Variants in EYS observed in about 807,000 individuals in gnomAD.
The protein encoded by EYS is EGF-like photoreceptor maintenance factor.
A neutral mutation model predicts 282.1 loss-of-function variants in EYS; 250 were observed. The ratio of observed to expected loss-of-function variants is 0.89; its 90% CI spans 0.80 to 0.98. EYS has a LOEUF of 0.98. Ranked by LOEUF, EYS falls within the 50% of genes least tolerant of loss-of-function variation. The pLI is 0.00. For synonymous variants in EYS, 1,355 were observed against 1,282.9 expected, an observed-to-expected ratio of 1.06 and a Z score of -1.20; for missense variants, 4,016 against 3,709.0, an observed-to-expected ratio of 1.08 and a Z score of -2.15.
chr6:65,067,223 A>G (rs1773772783), intron 12 of EYS, among the ~76,000 whole-genome samples: 1 of 152,146 alleles, frequency 6.6e-6, no homozygotes, highest in Non-Finnish European at 1.5e-5. Context: ...AAAGTCCTGC[A>G]GCAGGTCATT....
At chr6:65,251,208 C>T (rs1420751334) in intron 12 of EYS, among the ~76,000 whole-genome samples, 1 of 150,594 alleles carries the variant, frequency 6.6e-6, no homozygotes, top group African/African-American at 2.4e-5. Context: ...AATTTATCTT[C>T]CAACAAAAAA....
chr6:65,565,458 G>T (rs1427136996), intron 2 of EYS, among the ~76,000 whole-genome samples: 1 of 152,072 alleles, frequency 6.6e-6, no homozygotes, highest in East Asian at 1.9e-4. Context: ...ACAGATGCTG[G>T]AGAGGATATG....
intron 10 of EYS, among the ~76,000 whole-genome samples, chr6:65,337,544 G>T (rs890832317): frequency 6.6e-6 from 1 of 150,886 alleles, no homozygotes; most frequent in African/African-American, 2.4e-5. Flanking sequence ...TCTACAGGTA[G>T]TTTAGCTTCC....
chr6:64,558,547 C>T (rs781489963), intron 26 of EYS, among the ~76,000 whole-genome samples: 13 of 151,718 alleles, frequency 8.6e-5, no homozygotes, highest in Non-Finnish European at 1.8e-4. Context: ...AGAACAACAA[C>T]AACAAAAAAA....
At chr6:64,261,544 T>C (rs1199327064) in intron 30 of EYS, among the ~76,000 whole-genome samples, 3 of 152,098 alleles carry the variant, frequency 2.0e-5, no homozygotes, top group African/African-American at 7.2e-5. Flanking sequence ...TATGTCTCAG[T>C]AGCACTTATT....
At chr6:64,019,369 T>A (rs1289785904) in intron 33 of EYS, among the ~76,000 whole-genome samples, 1 of 152,164 alleles carries the variant, frequency 6.6e-6, no homozygotes, top group Non-Finnish European at 1.5e-5. Context: ...CCATTTCTTA[T>A]AGTAGCTACA....
At chr6:65,413,630 C>T (rs980360234) in intron 5 of EYS, among the ~76,000 whole-genome samples, 161 of 152,044 alleles carry the variant, frequency 1.1e-3, no homozygotes, top group African/African-American at 3.5e-3. Flanking sequence ...GAGGCTGAGG[C>T]GCACCGATCA....
chr6:65,027,241 A>G (rs1427337954), intron 13 of EYS, among the ~76,000 whole-genome samples: 1 of 152,172 alleles, frequency 6.6e-6, no homozygotes, highest in Non-Finnish European at 1.5e-5. Flanking sequence ...TATTTAGATC[A>G]GTTCCTTTTC....
intron 29 of EYS, among the ~76,000 whole-genome samples, chr6:64,367,093 G>A (rs956494135): frequency 6.6e-6 from 1 of 152,022 alleles, no homozygotes; most frequent in Admixed American, 6.6e-5. Context: ...ACCAAATTTA[G>A]CCTCATAATA....
At chr6:64,683,586 A>G (rs1281231131) in intron 22 of EYS, among the ~76,000 whole-genome samples, 1 of 152,222 alleles carries the variant, frequency 6.6e-6, no homozygotes. Flanking sequence ...GTTTGAAAAT[A>G]AAATGGAGTC....
chr6:64,189,996 T>C (rs1485307121), intron 31 of EYS, among the ~76,000 whole-genome samples: 2 of 152,228 alleles, frequency 1.3e-5, no homozygotes, highest in African/African-American at 2.4e-5. Flanking sequence ...TTAATATTTA[T>C]TGATTCTATG....
At chr6:65,010,830 G>A (rs1313488632) in intron 13 of EYS, among the ~76,000 whole-genome samples, 1 of 152,112 alleles carries the variant, frequency 6.6e-6, no homozygotes, top group Admixed American at 6.5e-5. Flanking sequence ...ACTTCCGAGG[G>A]AACACCTATC....
chr6:64,384,499 A>G (rs1285323415), intron 29 of EYS, among the ~76,000 whole-genome samples: 1 of 152,184 alleles, frequency 6.6e-6, no homozygotes, highest in East Asian at 1.9e-4. Context: ...TGCATATATA[A>G]AAAACAAATC....
intron 24 of EYS, among the ~76,000 whole-genome samples, chr6:64,615,108 C>T (rs1164851583): frequency 6.6e-6 from 1 of 151,922 alleles, no homozygotes; most frequent in Admixed American, 6.6e-5. Flanking sequence ...GTCAACTCTC[C>T]ATTATGGACA....
chr6:64,161,661 T>A (rs746909325), intron 31 of EYS, among the ~76,000 whole-genome samples: 12 of 152,174 alleles, frequency 7.9e-5, no homozygotes, highest in Non-Finnish European at 1.5e-4. Context: ...TTTCATGCTA[T>A]CTTGTTAAAT....
intron 5 of EYS, among the ~76,000 whole-genome samples, chr6:65,433,699 TTTATAAGA>T (rs1767964073): frequency 6.6e-6 from 1 of 152,192 alleles, no homozygotes; most frequent in Admixed American, 6.5e-5. Flanking sequence ...ATTTGATAGC[TTTATAAGA>T]TTATTTGTTA....
chr6:63,911,944 T>A (rs1013917151), intron 35 of EYS, among the ~76,000 whole-genome samples: 1 of 152,210 alleles, frequency 6.6e-6, no homozygotes, highest in Non-Finnish European at 1.5e-5. Context: ...GAGCTAATGA[T>A]TTAAAGGACA....
intron 30 of EYS, among the ~76,000 whole-genome samples, chr6:64,255,812 A>C (rs1486656964): frequency 2.0e-5 from 3 of 152,098 alleles, no homozygotes; most frequent in African/African-American, 7.2e-5. Flanking sequence ...GTACAGAGAT[A>C]GCATGTAGGC....
chr6:65,560,342 A>G (rs1769002409), intron 2 of EYS, among the ~76,000 whole-genome samples: 3 of 143,828 alleles, frequency 2.1e-5, no homozygotes, highest in Admixed American at 1.4e-4. Context: ...AATATGTTAT[A>G]TATTGTATAT....
Sources: gnomAD v4.1 joint callset for allele counts (sites outside exome capture counted in the v4.1 genomes callset) on GRCh38, gnomAD v4.1.1 for gene constraint, MANE v1.5 for transcripts, NCBI Gene and HGNC (gene_info 2026-07-23, HGNC 2026-07-21) for gene names.